The following EXOC6B variants were observed in gnomAD, a reference collection of about 807,000 sequenced individuals.
The protein encoded by EXOC6B is SEC15 homolog B.
Under a neutral mutation model 113.5 loss-of-function variants are expected in EXOC6B, and 54 were observed. The ratio of observed to expected loss-of-function variants is 0.48; its 90% CI spans 0.38 to 0.60. The LOEUF (loss-of-function observed/expected upper bound fraction) is 0.60. EXOC6B is among the 20% of genes least tolerant of loss of function. The pLI, the probability that EXOC6B is intolerant of heterozygous loss-of-function variation, is 0.00. For synonymous variants in EXOC6B, 357 were observed against 339.0 expected (o/e 1.05, Z -0.58); for missense variants, 797 against 977.5 (o/e 0.82, Z 2.46).
At chr2:72,509,669 C>T (rs1329800594) in intron 11 of EXOC6B, among the ~76,000 whole-genome samples, 3 of 151,612 alleles carry the variant, frequency 2.0e-5, no homozygotes, top group Non-Finnish European at 2.9e-5. Context: ...TTAATATTAA[C>T]AGCTAATGTC....
At chr2:72,551,847 C>A (rs745736111) in intron 8 of EXOC6B, among the ~76,000 whole-genome samples, 5 of 152,218 alleles carry the variant, frequency 3.3e-5, no homozygotes, top group Non-Finnish European at 7.3e-5. Context: ...TGATGAGATA[C>A]AATGCGGTCA....
At chr2:72,575,701 A>G (rs756172323) in intron 6 of EXOC6B, 33 bp from the exon 7 acceptor site, 2 of 1,492,350 alleles carry the variant, frequency 1.3e-6, no homozygotes, top group African/African-American at 2.9e-5. Flanking sequence ...CAAACACACC[A>G]AAAAGGTGGG....
chr2:72,654,202 C>T (rs1002736972), intron 6 of EXOC6B, among the ~76,000 whole-genome samples: 1 of 152,124 alleles, frequency 6.6e-6, no homozygotes, highest in Non-Finnish European at 1.5e-5. Context: ...GATCTCCTGA[C>T]CTTGTGATCC....
chr2:72,566,738 C>T (rs933077351), intron 7 of EXOC6B, among the ~76,000 whole-genome samples: 4 of 151,948 alleles, frequency 2.6e-5, no homozygotes, highest in Non-Finnish European at 5.9e-5. Flanking sequence ...ACAGTTAAAA[C>T]ACTACTTTTT....
At chr2:72,404,936 T>G (rs1693619674) in intron 18 of EXOC6B, among the ~76,000 whole-genome samples, 1 of 151,868 alleles carries the variant, frequency 6.6e-6, no homozygotes, top group African/African-American at 2.4e-5. Flanking sequence ...TTTCAACCCA[T>G]GGCAAAGAAG....
intron 20 of EXOC6B, among the ~76,000 whole-genome samples, chr2:72,306,842 A>T (rs909721700): frequency 1.3e-5 from 2 of 152,222 alleles, no homozygotes; most frequent in Non-Finnish European, 2.9e-5. Context: ...ACATGATAAT[A>T]GTTCCTAATT....
At chr2:72,561,940 A>G (rs1437960988) in intron 7 of EXOC6B, among the ~76,000 whole-genome samples, 1 of 152,148 alleles carries the variant, frequency 6.6e-6, no homozygotes, top group Non-Finnish European at 1.5e-5. Context: ...TGAAAGCAGT[A>G]CACAGAAATC....
intron 20 of EXOC6B, among the ~76,000 whole-genome samples, chr2:72,290,163 C>T (rs1241059097): frequency 1.3e-5 from 2 of 152,198 alleles, no homozygotes; most frequent in African/African-American, 4.8e-5. Flanking sequence ...AGTGGCTCTG[C>T]TGGCTCTCCA....
chr2:72,370,416 A>G (rs1408877620), intron 19 of EXOC6B, among the ~76,000 whole-genome samples: 1 of 152,186 alleles, frequency 6.6e-6, no homozygotes, highest in East Asian at 1.9e-4. Flanking sequence ...TGTTGGTGGG[A>G]CTGTAAACCG....
At chr2:72,265,146 G>A (rs1683983546) in intron 20 of EXOC6B, among the ~76,000 whole-genome samples, 1 of 152,084 alleles carries the variant, frequency 6.6e-6, no homozygotes, top group Non-Finnish European at 1.5e-5. Context: ...AATGCTGTTA[G>A]TGATATGGAC....
chr2:72,273,654 G>A (rs867459238), intron 20 of EXOC6B, among the ~76,000 whole-genome samples: 1 of 152,100 alleles, frequency 6.6e-6, no homozygotes, highest in African/African-American at 2.4e-5. Context: ...CATGCTTGGG[G>A]AACAGCAACA....
rs367904397 is a variant in EXOC6B at position 72,774,125 on chromosome 2, G to C, written c.114-32656C>G. 2.1e-4 allele frequency among the ~76,000 whole-genome samples: 32 copies of C among 152,160 alleles called. No homozygotes were observed. In the South Asian group the frequency reaches 4.4e-3, roughly 21 times the overall value. ...GGGTTGTATAGGTTTTCCAAATATTGATATATTTCATTACATAGTATCAAA... is the reference window on the plus strand; with the variant it reads ...GGGTTGTATAGGTTTTCCAAATATTCATATATTTCATTACATAGTATCAAA... On this transcript the variant is annotated intron_variant, in intron 1 of 21. Coordinates refer to ENST00000272427, the MANE Select transcript of EXOC6B (RefSeq NM_015189.3).
chr2:72,473,384 G>T (rs1259811917), intron 17 of EXOC6B, among the ~76,000 whole-genome samples: 2 of 151,758 alleles, frequency 1.3e-5, no homozygotes, highest in Admixed American at 6.6e-5. Flanking sequence ...ATATGGATTT[G>T]GTGTTACATC....
rs1686206895 is a variant in EXOC6B, at chr2:72,815,823, AG to A, written c.113+9974del. On this transcript the variant is annotated intron_variant, in intron 1 of 21. Transcript: ENST00000272427. ...TCCAGATATATTCATCATTTTACTT[AG>A]CAATCTTACTTGTGGGAATCTATCC... Among the ~76,000 whole-genome samples, 4 of 152,318 alleles carry A rather than the reference AG, an allele frequency of 2.6e-5. No individual in the cohort carries two copies. In the South Asian group the frequency reaches 8.3e-4, roughly 32 times the overall value.
chr2:72,685,060 A>C (rs528888179), intron 6 of EXOC6B, among the ~76,000 whole-genome samples: 1 of 152,282 alleles, frequency 6.6e-6, no homozygotes, highest in East Asian at 1.9e-4. Context: ...AAGTGTACCT[A>C]GGTCTCAAAC....
chr2:72,297,224 G>A (rs1686191925), intron 20 of EXOC6B, among the ~76,000 whole-genome samples: 1 of 152,092 alleles, frequency 6.6e-6, no homozygotes, highest in African/African-American at 2.4e-5. Flanking sequence ...TTGAGGTTCA[G>A]GGATACATGT....
chr2:72,184,476 G>A (rs552859317), intron 20 of EXOC6B, among the ~76,000 whole-genome samples: 1 of 152,258 alleles, frequency 6.6e-6, no homozygotes, highest in South Asian at 2.1e-4. Flanking sequence ...ACACGGGACT[G>A]AATCAAATAT....
At chr2:72,599,201 A>G (rs1444729982) in intron 6 of EXOC6B, among the ~76,000 whole-genome samples, 2 of 152,116 alleles carry the variant, frequency 1.3e-5, no homozygotes, top group Non-Finnish European at 2.9e-5. Flanking sequence ...AAAAGAATTA[A>G]ACATCACAAC....
intron 20 of EXOC6B, among the ~76,000 whole-genome samples, chr2:72,216,548 C>T (rs1401699199): frequency 1.3e-5 from 2 of 152,158 alleles, no homozygotes; most frequent in Admixed American, 6.5e-5. Context: ...AATCCCATTA[C>T]TGAGTATATA....
Sources: allele counts gnomAD v4.1 joint callset (sites outside exome capture counted in the v4.1 genomes callset), GRCh38; gene constraint gnomAD v4.1.1; transcripts MANE v1.5; gene names NCBI Gene and HGNC (gene_info 2026-07-23, HGNC 2026-07-21).